Variants in CNTN5 observed in about 807,000 individuals in gnomAD.
CNTN5 encodes contactin 5.
Under a neutral mutation model 129.1 loss-of-function variants are expected in CNTN5, and 77 were observed. That is an observed-to-expected ratio of 0.60 (90% CI 0.50 to 0.72). The LOEUF is 0.72. Ranked by LOEUF, CNTN5 falls within the 30% of genes least tolerant of loss-of-function variation. CNTN5 has a pLI of 0.00. For missense variants in CNTN5, 1,478 were observed against 1,328.8 expected (o/e 1.11, Z -1.75); for synonymous variants, 509 against 465.6 (o/e 1.09, Z -1.20).
At chr11:99,445,772 G>T (rs534560212) in intron 2 of CNTN5, among the ~76,000 whole-genome samples, 1 of 151,940 alleles carries the variant, frequency 6.6e-6, no homozygotes, top group Non-Finnish European at 1.5e-5. Flanking sequence ...GTTCATAGAA[G>T]TTCCCCTCTC....
At chr11:99,863,773 T>C (rs900884650) in intron 6 of CNTN5, among the ~76,000 whole-genome samples, 17 of 152,212 alleles carry the variant, frequency 1.1e-4, no homozygotes, top group African/African-American at 4.1e-4. Context: ...TAAGAAGCGT[T>C]TTCCTACTTT....
chr11:99,034,277 G>T (rs1374669016), intron 1 of CNTN5, among the ~76,000 whole-genome samples: 1 of 152,206 alleles, frequency 6.6e-6, no homozygotes, highest in East Asian at 1.9e-4. Flanking sequence ...GATGATGCTG[G>T]CCTCATACAA....
intron 1 of CNTN5, among the ~76,000 whole-genome samples, chr11:99,322,248 T>C (rs780131841): frequency 1.3e-5 from 2 of 152,152 alleles, no homozygotes; most frequent in African/African-American, 2.4e-5. Flanking sequence ...CTGTCTTCAC[T>C]TGATCACCAC....
chr11:100,030,186 G>A (rs770583), intron 9 of CNTN5, among the ~76,000 whole-genome samples: 48,608 of 150,502 alleles, frequency 0.32, 7,987 homozygotes, highest in East Asian at 0.47. Context: ...ACCATCCTGG[G>A]CAATATAGAA....
chr11:99,469,574 T>C (rs2135269069), intron 2 of CNTN5, among the ~76,000 whole-genome samples: 1 of 152,250 alleles, frequency 6.6e-6, no homozygotes, highest in African/African-American at 2.4e-5. Flanking sequence ...CCCCACAAAG[T>C]AGTTTAAACA....
intron 2 of CNTN5, among the ~76,000 whole-genome samples, chr11:99,360,695 G>A (rs1308420734): frequency 6.6e-6 from 1 of 152,030 alleles, no homozygotes; most frequent in Non-Finnish European, 1.5e-5. Flanking sequence ...ATGCTATTGT[G>A]GTCCCTCTTC....
chr11:99,279,413 A>G (rs1327220015), intron 1 of CNTN5, among the ~76,000 whole-genome samples: 2 of 151,858 alleles, frequency 1.3e-5, no homozygotes, highest in Non-Finnish European at 2.9e-5. Flanking sequence ...ATTCTAAGAC[A>G]GACTAATCAA....
At chr11:99,069,871 G>T (rs1042505336) in intron 1 of CNTN5, among the ~76,000 whole-genome samples, 31 of 152,228 alleles carry the variant, frequency 2.0e-4, no homozygotes, top group African/African-American at 6.5e-4. Context: ...ACTGCTTATT[G>T]CAGTGCAATA....
Position 99,508,686 on chromosome 11 carries a change from C to CTTTCTTTTTTTTT in CNTN5, c.-70-47456_-70-47455insCTTTTTTTTTTTT, listed in dbSNP as rs11281160. Among the ~76,000 whole-genome samples, 1,061 of 146,876 alleles carry CTTTCTTTTTTTTT rather than the reference C, an allele frequency of 7.2e-3. 20 individuals carry two copies. Among genetic ancestry groups the CTTTCTTTTTTTTT allele is most frequent in the African/African-American group, 0.025 (1,005 of 39,856 alleles). ...GCATAATATAATTTTTCTTTTCTTTCTTTTTTTTTTGACACGGAATTTTGT... is the reference window on the plus strand; with the variant it reads ...GCATAATATAATTTTTCTTTTCTTTCTTTCTTTTTTTTTTTTTTTTTTTGACACGGAATTTTGT... On this transcript the variant is annotated intron_variant, in intron 2 of 24. Coordinates refer to ENST00000524871, the MANE Select transcript of CNTN5 (RefSeq NM_014361.4).
Position 99,519,597 on chromosome 11 carries a change from TAA to T in CNTN5, c.-70-36547_-70-36546del, listed in dbSNP as rs1200434934. The stretch of plus-strand genomic sequence containing the variant: ...TTCCTTCTAATTATGCTCTCATTTA[TAA>T]TACATGTTCACAGTATTATTTCTAC... On this transcript the variant is annotated intron_variant, in intron 2 of 24. Coordinates refer to ENST00000524871, the MANE Select transcript of CNTN5 (RefSeq NM_014361.4). 5.9e-5 allele frequency among the ~76,000 whole-genome samples: 9 copies of T among 152,264 alleles called. No homozygotes were observed. In the East Asian group the frequency reaches 1.7e-3, roughly 29 times the overall value.
chr11:99,997,479 C>A (rs192844144), intron 8 of CNTN5, among the ~76,000 whole-genome samples: 4 of 152,156 alleles, frequency 2.6e-5, no homozygotes, highest in African/African-American at 9.7e-5. Flanking sequence ...TCTGAATAGA[C>A]CAACAACAGG....
intron 3 of CNTN5, among the ~76,000 whole-genome samples, chr11:99,569,085 G>A (rs1383808761): frequency 6.6e-6 from 1 of 152,060 alleles, no homozygotes; most frequent in Non-Finnish European, 1.5e-5. Flanking sequence ...GAATGGTCCA[G>A]ATCATGGATA....
intron 15 of CNTN5, among the ~76,000 whole-genome samples, chr11:100,195,688 G>A (rs540038650): frequency 5.5e-4 from 84 of 152,040 alleles, no homozygotes; most frequent in Admixed American, 1.1e-3. Context: ...GTATGCATAT[G>A]TATTTTAAAA....
At chr11:100,165,915 C>A (rs995158321) in intron 13 of CNTN5, among the ~76,000 whole-genome samples, 13 of 151,696 alleles carry the variant, frequency 8.6e-5, no homozygotes, top group Admixed American at 5.9e-4. Context: ...TAAGCTAGGA[C>A]ATAACTAAGG....
rs1417076724 is a variant in CNTN5, at chr11:99,759,471, C to CT, written c.56-60072dup. 1.9e-4 allele frequency among the ~76,000 whole-genome samples: 29 copies of CT among 151,882 alleles called. 1 individual carries two copies. The highest frequency in any genetic ancestry group is 2.9e-5 in the Non-Finnish European group (2 of 67,952). ...ATTATGAAGGCACGTAAACTGAAGC[C>CT]TACAGCACAGTTTCAAAGAGGGTGA... On this transcript the variant is annotated intron_variant, in intron 3 of 24. Transcript: ENST00000524871.
chr11:99,948,793 T>G (rs117414921), intron 7 of CNTN5, among the ~76,000 whole-genome samples: 2 of 152,322 alleles, frequency 1.3e-5, no homozygotes, highest in Non-Finnish European at 2.9e-5. Context: ...TGGTGCTCCA[T>G]CCAGACCTTC....
chr11:100,209,605 A>G (rs569956335), intron 15 of CNTN5, among the ~76,000 whole-genome samples: 11 of 152,340 alleles, frequency 7.2e-5, no homozygotes, highest in Non-Finnish European at 1.5e-4. Flanking sequence ...TTTCACAAAA[A>G]TAGCATGTCT....
intron 9 of CNTN5, 44 bp from the exon 10 acceptor site, chr11:100,061,168 A>G: frequency 6.8e-7 from 1 of 1,466,652 alleles, no homozygotes; most frequent in Non-Finnish European, 9.3e-7. Flanking sequence ...CTATGTTCCT[A>G]ACAGTGGAGA....
chr11:99,536,573 G>A (rs1947906703), intron 2 of CNTN5, among the ~76,000 whole-genome samples: 1 of 151,940 alleles, frequency 6.6e-6, no homozygotes, highest in African/African-American at 2.4e-5. Flanking sequence ...TACAGCAAAA[G>A]GACTTCACAA....
Sources: gnomAD v4.1 joint callset for allele counts (sites outside exome capture counted in the v4.1 genomes callset) on GRCh38, gnomAD v4.1.1 for gene constraint, MANE v1.5 for transcripts, NCBI Gene and HGNC (gene_info 2026-07-23, HGNC 2026-07-21) for gene names.